The following SNX29 variants were observed in gnomAD, a reference collection of about 807,000 sequenced individuals.
SNX29 encodes the protein sorting nexin-29.
In SNX29, 78 loss-of-function variants were observed where a neutral mutation model predicts 102.1. That is an observed-to-expected ratio of 0.76 (90% CI 0.64 to 0.92). The LOEUF (loss-of-function observed/expected upper bound fraction) is 0.92, where lower values mean the gene tolerates loss of function less well. Among genes scored for constraint, SNX29 ranks in the 40% least tolerant of loss-of-function variants. The pLI is 0.00. For missense variants in SNX29, 1,280 were observed against 1,061.7 expected, an observed-to-expected ratio of 1.21 and a Z score of -2.86; for synonymous variants, 580 against 414.5, an observed-to-expected ratio of 1.40 and a Z score of -4.85.
At chr16:12,255,132 C>G (rs1555498607) in intron 14 of SNX29, among the ~76,000 whole-genome samples, 1 of 152,002 alleles carries the variant, frequency 6.6e-6, no homozygotes, top group Non-Finnish European at 1.5e-5. Flanking sequence ...ACTTCACATA[C>G]TTTTTTTTGG....
intron 9 of SNX29, among the ~76,000 whole-genome samples, chr16:12,065,388 A>T (rs1462404191): frequency 1.3e-5 from 2 of 152,356 alleles, no homozygotes; most frequent in South Asian, 4.1e-4. Context: ...ATCACCTGTC[A>T]GTACAAGGTG....
intron 12 of SNX29, among the ~76,000 whole-genome samples, chr16:12,127,460 C>T (rs1178661336): frequency 2.8e-5 from 4 of 144,368 alleles, no homozygotes; most frequent in Admixed American, 7.0e-5. Flanking sequence ...CTGGCTCTGT[C>T]ACCCAGGCTG....
At chr16:12,270,281 A>C (rs868222519) in intron 14 of SNX29, among the ~76,000 whole-genome samples, 7 of 152,238 alleles carry the variant, frequency 4.6e-5, no homozygotes, top group African/African-American at 1.7e-4. Flanking sequence ...TTCAGAATTC[A>C]GTCACAATTG....
chr16:12,483,128 T>TTTTTTG (rs2088042903), intron 19 of SNX29, among the ~76,000 whole-genome samples: 3 of 133,524 alleles, frequency 2.2e-5, no homozygotes, highest in Middle Eastern at 3.6e-3. Flanking sequence ...TTTTTTTTTT[T>TTTTTTG]TTTTTTTTTT....
intron 19 of SNX29, among the ~76,000 whole-genome samples, chr16:12,483,114 G>GTTTTT (rs574090459): frequency 0.012 from 770 of 66,158 alleles, 145 homozygotes; most frequent in East Asian, 0.023. Context: ...AAGTTATTAA[G>GTTTTT]TTTTTTTTTT....
At chr16:12,044,718 G>T (rs191803872) in intron 5 of SNX29, among the ~76,000 whole-genome samples, 11 of 152,140 alleles carry the variant, frequency 7.2e-5, no homozygotes, top group Admixed American at 2.0e-4. Flanking sequence ...AGCTGGGTCT[G>T]CCAGCGCCTG....
chr16:12,539,527 T>G (rs1406144155), intron 20 of SNX29, among the ~76,000 whole-genome samples: 1 of 152,216 alleles, frequency 6.6e-6, no homozygotes, highest in Non-Finnish European at 1.5e-5. Flanking sequence ...TTGGCAATTT[T>G]GAATAGAGCT....
intron 1 of SNX29, among the ~76,000 whole-genome samples, chr16:11,986,849 G>C (rs1249454691): frequency 6.6e-6 from 1 of 152,140 alleles, no homozygotes; most frequent in African/African-American, 2.4e-5. Context: ...TAAGTGAAAG[G>C]ACGTGGCTGT....
At chr16:12,530,596 C>G (rs1029605416) in intron 20 of SNX29, among the ~76,000 whole-genome samples, 3 of 151,696 alleles carry the variant, frequency 2.0e-5, no homozygotes, top group Non-Finnish European at 2.9e-5. Flanking sequence ...GCTCTTGTCG[C>G]CCAGGCTAGA....
chr16:11,998,929 T>C (rs866873563), intron 1 of SNX29, among the ~76,000 whole-genome samples: 85 of 152,216 alleles, frequency 5.6e-4, no homozygotes, highest in African/African-American at 2.0e-3. Flanking sequence ...GGGGGCAGTT[T>C]TGATTCCCAG....
intron 19 of SNX29, among the ~76,000 whole-genome samples, chr16:12,511,146 T>TGA (rs994700321): frequency 2.0e-5 from 3 of 152,152 alleles, no homozygotes; most frequent in African/African-American, 7.2e-5. Flanking sequence ...GGAACTCTGG[T>TGA]ATTTTGGTTC....
At chr16:12,277,681 C>G (rs1031344930) in intron 14 of SNX29, among the ~76,000 whole-genome samples, 1 of 152,074 alleles carries the variant, frequency 6.6e-6, no homozygotes, top group Non-Finnish European at 1.5e-5. Flanking sequence ...CTCAAGCGAT[C>G]CTCTCAACTC....
At chr16:12,567,851 C>T (rs1376509724) in intron 20 of SNX29, among the ~76,000 whole-genome samples, 5 of 152,202 alleles carry the variant, frequency 3.3e-5, no homozygotes, top group African/African-American at 4.8e-5. Flanking sequence ...CCAGCCTCTA[C>T]CCTATCCCCT....
At chr16:11,989,993 C>T (rs150017820) in intron 1 of SNX29, among the ~76,000 whole-genome samples, 1 of 152,264 alleles carries the variant, frequency 6.6e-6, no homozygotes, top group African/African-American at 2.4e-5. Context: ...TTGAAGTGTA[C>T]AAGGTTTGGG....
intron 18 of SNX29, among the ~76,000 whole-genome samples, chr16:12,476,850 A>G (rs532147652): frequency 1.3e-5 from 2 of 152,176 alleles, no homozygotes; most frequent in African/African-American, 4.8e-5. Context: ...TATCACTCAC[A>G]TTAGAGATGC....
chr16:12,196,615 CTTTTTTCTTTTTTT>C (rs1262807403), intron 13 of SNX29, among the ~76,000 whole-genome samples: 1 of 116,384 alleles, frequency 8.6e-6, no homozygotes, highest in African/African-American at 2.7e-5. Flanking sequence ...TTTCTTTTTT[CTTTTTTCTTTTTTT>C]TTTTTTTTTG....
intron 13 of SNX29, among the ~76,000 whole-genome samples, chr16:12,140,740 C>G (rs1329638776): frequency 1.3e-5 from 2 of 152,128 alleles, no homozygotes; most frequent in Non-Finnish European, 2.9e-5. Context: ...GCTGTGTTCT[C>G]CATTGTGCTT....
chr16:12,092,697 G>A (rs530182614), intron 11 of SNX29, among the ~76,000 whole-genome samples: 3 of 152,192 alleles, frequency 2.0e-5, no homozygotes, highest in African/African-American at 7.2e-5. Flanking sequence ...CTGACCATCT[G>A]TTCTGGGAAA....
At chr16:12,502,443 G>A (rs2089171462) in intron 19 of SNX29, among the ~76,000 whole-genome samples, 1 of 152,176 alleles carries the variant, frequency 6.6e-6, no homozygotes, top group African/African-American at 2.4e-5. Context: ...GGTGGTGGTG[G>A]TTGCTAGGCT....
Sources: gnomAD v4.1 joint callset for allele counts (sites outside exome capture counted in the v4.1 genomes callset) on GRCh38, gnomAD v4.1.1 for gene constraint, MANE v1.5 for transcripts, NCBI Gene and HGNC (gene_info 2026-07-23, HGNC 2026-07-21) for gene names.